Variants in VWA3B observed in about 807,000 individuals in gnomAD.
VWA3B encodes the protein von Willebrand factor A domain-containing protein 3B.
VWA3B carries 138 observed loss-of-function variants against 158.3 expected under a neutral mutation model. The observed-to-expected ratio is 0.87, with a 90% CI of 0.76 to 1.00. The LOEUF (loss-of-function observed/expected upper bound fraction) is 1.00, where lower values mean the gene tolerates loss of function less well. Among genes scored for constraint, VWA3B ranks in the 50% least tolerant of loss-of-function variants. VWA3B has a pLI of 0.00. For synonymous variants in VWA3B, 596 were observed against 587.3 expected (o/e 1.01, Z -0.21); for missense variants, 1,555 against 1,565.1 (o/e 0.99, Z 0.11).
intron 13 of VWA3B, among the ~76,000 whole-genome samples, chr2:98,215,107 TGAAGGTCTACTCA>T (rs1267556423): frequency 3.9e-5 from 6 of 152,166 alleles, no homozygotes; most frequent in Non-Finnish European, 8.8e-5. Context: ...TACCAGATTC[TGAAGGTCTACTCA>T]AAGATGGAGA....
At chr2:98,242,112 C>T in intron 19 of VWA3B, 1 of 351,712 alleles carries the variant, frequency 2.8e-6, no homozygotes, top group Non-Finnish European at 5.7e-6. Context: ...TAATTGCGTC[C>T]TCCTCCTGTG....
At chr2:98,320,751 C>A in the VWA3B span, among the ~76,000 whole-genome samples, 1 of 152,188 alleles carries the variant, frequency 6.6e-6, no homozygotes, top group African/African-American at 2.4e-5. Flanking sequence ...AGCAGCAAAG[C>A]ACTCAAGAGG....
In VWA3B at chr2:98,194,376, A is replaced by G; in HGVS notation, c.1621A>G (p.Lys541Glu). The part of the protein sequence containing the change: ...IQFIQEQLKY[K>E]SKFNFVKFDG... ...TCTCTTTTAGGAACAGCTGAAATATAAAAGTAAGTTTAACTTTGTGAAGTT... is the reference window on the plus strand; with the variant it reads ...TCTCTTTTAGGAACAGCTGAAATATGAAAGTAAGTTTAACTTTGTGAAGTT... Residue 541 changes from lysine (K) to glutamate (E), a missense_variant, in exon 12 of 28, where the codon AAA (lysine) becomes GAA (glutamate). Physicochemically the swap from Lys to Glu is moderately conservative, Grantham distance 56 (BLOSUM62 1). Coordinates refer to ENST00000477737, the MANE Select transcript of VWA3B (RefSeq NM_144992.5). 6.2e-7 allele frequency: 1 copy of G among 1,613,832 alleles called. No individual in the cohort carries two copies. The highest frequency in any genetic ancestry group is 1.6e-4 in the Middle Eastern group (1 of 6,062).
rs1685074913 is a variant in VWA3B at position 98,228,268 on chromosome 2, G to A, written c.2086G>A (p.Asp696Asn). The A allele has an allele frequency of 6.2e-7, 1 of 1,613,982 alleles. No homozygotes were observed. Among genetic ancestry groups the A allele is most frequent in the Non-Finnish European group, 8.5e-7 (1 of 1,180,006 alleles). ...TCACAGTGATCTGGAGAAGATGCAA[G>A]ACCTTTATTCTGAGTCCTTGATCAT... The part of the protein sequence containing the change: ...QGHSDLEKMQ[D>N]LYSESLIMDW... The change falls in exon 15 of 28, where the codon GAC becomes AAC. Residue 696 changes from aspartate (D) to asparagine (N), a missense_variant. Coordinates refer to ENST00000477737, the MANE Select transcript of VWA3B (RefSeq NM_144992.5).
chr2:98,192,768 C>A, intron 10 of VWA3B, 130 bp from the exon 11 acceptor site: 1 of 1,304,724 alleles, frequency 7.7e-7, no homozygotes, highest in Non-Finnish European at 1.1e-6. Flanking sequence ...GAATGATCTA[C>A]TCACAGAAGA....
chr2:98,123,683 GT>G (rs745862666), intron 5 of VWA3B, among the ~76,000 whole-genome samples: 2 of 152,336 alleles, frequency 1.3e-5, no homozygotes, highest in Non-Finnish European at 2.9e-5. Flanking sequence ...CTGGGGACAT[GT>G]TTGGTGGTTG....
chr2:98,266,707 CCT>C (rs1687857928), intron 21 of VWA3B, among the ~76,000 whole-genome samples: 1 of 100,358 alleles, frequency 1.0e-5, no homozygotes, highest in Admixed American at 1.1e-4. Context: ...TTGTTTGTAT[CCT>C]CTTTTATTTC....
chr2:98,236,810 T>C, intron 19 of VWA3B, 80 bp downstream of exon 19: 1 of 1,516,928 alleles, frequency 6.6e-7, no homozygotes, highest in Non-Finnish European at 8.9e-7. Context: ...ATTTCTTGTG[T>C]GGTTGTAACA....
At chr2:98,289,618 C>A (rs1285847503) in intron 22 of VWA3B, among the ~76,000 whole-genome samples, 1 of 152,182 alleles carries the variant, frequency 6.6e-6, no homozygotes, top group African/African-American at 2.4e-5. Context: ...CATAAAGGTT[C>A]TCCTTTGTCC....
chr2:98,305,791 C>T (rs1472812238), intron 26 of VWA3B, among the ~76,000 whole-genome samples: 1 of 152,082 alleles, frequency 6.6e-6, no homozygotes, highest in African/African-American at 2.4e-5. Context: ...TCATGTCCTC[C>T]AGCCTCCTCC....
intron 12 of VWA3B, among the ~76,000 whole-genome samples, chr2:98,201,530 G>T (rs1434212857): frequency 5.3e-5 from 8 of 152,174 alleles, no homozygotes; most frequent in African/African-American, 1.7e-4. Flanking sequence ...TTTAACAGGA[G>T]TGGTGAGAGA....
intron 7 of VWA3B, among the ~76,000 whole-genome samples, chr2:98,151,176 G>A (rs1220803350): frequency 2.0e-5 from 3 of 151,196 alleles, no homozygotes; most frequent in South Asian, 4.2e-4. Flanking sequence ...TCAGTGGTAC[G>A]ATCTCTGCTC....
intron 11 of VWA3B, 99 bp from the exon 12 acceptor site, chr2:98,194,262 T>C (rs1023701513): frequency 1.0e-5 from 13 of 1,269,912 alleles, no homozygotes; most frequent in Non-Finnish European, 1.4e-5. Flanking sequence ...GAACTGAAAA[T>C]AGAGACCATC....
At chr2:98,166,602 T>C (rs1317629586) in intron 8 of VWA3B, among the ~76,000 whole-genome samples, 1 of 152,118 alleles carries the variant, frequency 6.6e-6, no homozygotes, top group Non-Finnish European at 1.5e-5. Flanking sequence ...AAAATAAATG[T>C]CTGTCCTTTA....
chr2:98,230,154 G>A lies in VWA3B; in HGVS notation c.2255G>A (p.Gly752Glu). 6.2e-7 allele frequency: 1 copy of A among 1,607,862 alleles called. No individual in the cohort carries two copies. Among genetic ancestry groups the A allele is most frequent in the Non-Finnish European group, 8.5e-7 (1 of 1,178,488 alleles). The change falls in exon 16 of 28, where the codon GGA (glycine) becomes GAA (glutamate). Residue 752 changes from glycine to glutamate, a missense_variant. Transcript: ENST00000477737. ...TQTSSLNMLK[G>E]PWGLSDQKVQ... The stretch of plus-strand genomic sequence containing the variant: ...ACTTCATCTCTGAATATGTTGAAGG[G>A]ACCATGGGGCCTTTCAGATCAAAAG...
intron 16 of VWA3B, among the ~76,000 whole-genome samples, chr2:98,233,533 C>CT (rs368225934): frequency 3.1e-4 from 47 of 152,280 alleles, no homozygotes; most frequent in Admixed American, 1.6e-3. Flanking sequence ...TTGTTTATCT[C>CT]TTTTTCTCAC....
chr2:98,276,551 G>A (rs1688532499), intron 22 of VWA3B, among the ~76,000 whole-genome samples: 1 of 152,206 alleles, frequency 6.6e-6, no homozygotes, highest in Non-Finnish European at 1.5e-5. Flanking sequence ...CAGCAAAATG[G>A]GGATGAGACC....
Position 98,211,985 on chromosome 2 carries a change from A to C in VWA3B, c.1793A>C (p.Glu598Ala), listed in dbSNP as rs749688577. ...CTGAAAACTGCTTTTGCTGATAAAG[A>C]AACACAGGCAATCTACCTTCTGACC... ...SALKTAFADK[E>A]TQAIYLLTDG... Residue 598 changes from glutamate to alanine, a missense_variant, in exon 13 of 28, where the codon GAA (glutamate) becomes GCA (alanine). Coordinates refer to ENST00000477737, the MANE Select transcript of VWA3B (RefSeq NM_144992.5). The C allele has an allele frequency of 6.8e-6, 11 of 1,614,046 alleles. No homozygotes were observed. The highest frequency in any genetic ancestry group is 9.3e-6 in the Non-Finnish European group (11 of 1,180,032).
intron 9 of VWA3B, among the ~76,000 whole-genome samples, chr2:98,186,319 A>G (rs536213759): frequency 7.9e-5 from 12 of 151,300 alleles, no homozygotes; most frequent in African/African-American, 2.9e-4. Flanking sequence ...GTCTACACTC[A>G]TTTCCTGGGT....
Sources: allele counts gnomAD v4.1 joint callset (sites outside exome capture counted in the v4.1 genomes callset), GRCh38; gene constraint gnomAD v4.1.1; transcripts MANE v1.5; gene names NCBI Gene and HGNC (gene_info 2026-07-23, HGNC 2026-07-21).